RHBDL2: variants seen among roughly 807,000 people sequenced by gnomAD.
RHBDL2 encodes rhomboid like 2.
Under a neutral mutation model 31.7 loss-of-function variants are expected in RHBDL2, and 26 were observed. That is an observed-to-expected ratio of 0.82 (90% CI 0.60 to 1.14). The LOEUF (loss-of-function observed/expected upper bound fraction) is 1.14, where lower values mean the gene tolerates loss of function less well. Ranked by LOEUF, RHBDL2 falls within the 50% of genes most tolerant of loss-of-function variation. The pLI is 0.00. For synonymous variants in RHBDL2, 123 were observed against 127.2 expected, an observed-to-expected ratio of 0.97 and a Z score of 0.22; for missense variants, 336 against 364.4, an observed-to-expected ratio of 0.92 and a Z score of 0.63.
intron 1 of RHBDL2, among the ~76,000 whole-genome samples, chr1:38,932,698 G>C (rs1324230608): frequency 6.6e-6 from 1 of 152,122 alleles, no homozygotes; most frequent in Non-Finnish European, 1.5e-5. Flanking sequence ...GAGCTCACGC[G>C]ATCCACCCAC....
At chr1:38,928,019 T>C (rs537478520) in intron 1 of RHBDL2, among the ~76,000 whole-genome samples, 2 of 152,238 alleles carry the variant, frequency 1.3e-5, no homozygotes, top group South Asian at 4.2e-4. Flanking sequence ...AAGGTACTCC[T>C]TCAACTGTGA....
At chr1:38,901,307 C>T (rs1401180604) in intron 4 of RHBDL2, among the ~76,000 whole-genome samples, 1 of 150,684 alleles carries the variant, frequency 6.6e-6, no homozygotes, top group Non-Finnish European at 1.5e-5. Context: ...ACTAAAAATA[C>T]AAAAATTAGC....
chr1:38,932,094 C>A (rs1396156495), intron 1 of RHBDL2, among the ~76,000 whole-genome samples: 1 of 152,066 alleles, frequency 6.6e-6, no homozygotes, highest in Non-Finnish European at 1.5e-5. Flanking sequence ...AAGCCTAACA[C>A]CATATAACCT....
At chr1:38,941,024 A>G (rs1643555087) in intron 1 of RHBDL2, among the ~76,000 whole-genome samples, 1 of 152,232 alleles carries the variant, frequency 6.6e-6, no homozygotes, top group African/African-American at 2.4e-5. Flanking sequence ...CAGCTTGTAG[A>G]TGACCATCAA....
chr1:38,925,890 G>A, intron 1 of RHBDL2: 3 of 1,198,818 alleles, frequency 2.5e-6, no homozygotes, highest in Non-Finnish European at 3.3e-6. Flanking sequence ...TCACTAACAG[G>A]CAAAGCCAAT....
chr1:38,912,376 A>G (rs1465160844), intron 3 of RHBDL2, among the ~76,000 whole-genome samples: 1 of 149,640 alleles, frequency 6.7e-6, no homozygotes, highest in Non-Finnish European at 1.5e-5. Flanking sequence ...AAGTGCTGGG[A>G]TTACACGCAT....
chr1:38,929,554 G>T, intron 1 of RHBDL2: 1 of 1,289,150 alleles, frequency 7.8e-7, no homozygotes, highest in South Asian at 1.2e-5. Context: ...TTTCTAAACA[G>T]CTGGCCCCAC....
At chr1:38,894,824 A>G (rs1432595928) in intron 5 of RHBDL2, among the ~76,000 whole-genome samples, 2 of 144,366 alleles carry the variant, frequency 1.4e-5, no homozygotes, top group Admixed American at 1.5e-4. Flanking sequence ...CTTCTGCCTC[A>G]GTCTCTCGAG....
At chr1:38,895,926 GT>G in intron 5 of RHBDL2, 42 bp downstream of exon 5, 1 of 1,306,518 alleles carries the variant, frequency 7.7e-7, no homozygotes, top group Non-Finnish European at 1.1e-6. Context: ...ACTGTTTTCT[GT>G]TTTTTTAAGA....
At chr1:38,903,900 A>G (rs544618072) in intron 4 of RHBDL2, among the ~76,000 whole-genome samples, 68 of 152,344 alleles carry the variant, frequency 4.5e-4, no homozygotes, top group African/African-American at 1.6e-3. Context: ...ACCTCCAGAA[A>G]TTAACACACT....
intron 6 of RHBDL2, among the ~76,000 whole-genome samples, chr1:38,890,966 TAAG>T (rs1220657888): frequency 3.9e-5 from 6 of 152,234 alleles, no homozygotes; most frequent in East Asian, 3.9e-4. Context: ...CATTTACAAT[TAAG>T]AAGAATATTT....
intron 4 of RHBDL2, among the ~76,000 whole-genome samples, chr1:38,902,991 A>C (rs1208270623): frequency 6.6e-6 from 1 of 152,238 alleles, no homozygotes; most frequent in African/African-American, 2.4e-5. Context: ...TACAGACAAC[A>C]TAATAATCTA....
intron 4 of RHBDL2, among the ~76,000 whole-genome samples, chr1:38,904,224 G>A (rs1351111136): frequency 2.6e-5 from 4 of 151,560 alleles, no homozygotes; most frequent in African/African-American, 7.3e-5. Context: ...TAATCCCAGC[G>A]CTTTGGGAGG....
Position 38,895,973 on chromosome 1 carries a change from A to G in RHBDL2, c.605T>C (p.Leu202Pro), listed in dbSNP as rs1642913849. The part of the protein sequence containing the change: ...ALMGGYFMNV[L>P]VNFQEMIPAF... ...CTCCATCCCCATGGTTCTTACCACC[A>G]GAACATTCATAAAATAGCCTCCCAT... is the stretch of plus-strand genomic sequence containing the variant. Residue 202 changes from leucine to proline, a missense_variant, in exon 5 of 8, where the codon CTG (leucine) becomes CCG (proline). Coordinates refer to ENST00000372990, the MANE Select transcript of RHBDL2 (RefSeq NM_017821.5). 1 of 1,606,342 alleles carries G rather than the reference A, an allele frequency of 6.2e-7. No homozygotes were observed. The highest frequency in any genetic ancestry group is 1.3e-5 in the African/African-American group (1 of 74,772).
At position 38,913,085 on chromosome 1, in the gene RHBDL2, C is replaced by T. The variant is rs529026637; in HGVS notation, c.396-1651G>A. On this transcript the variant is annotated intron_variant, in intron 3 of 7. Coordinates refer to ENST00000372990, the MANE Select transcript of RHBDL2 (RefSeq NM_017821.5). The stretch of plus-strand genomic sequence containing the variant: ...GCAACCTCCACCTCCTGGGTTCAAA[C>T]GATTCTCCTGCCTCAGCTTCCCAAG... 9.9e-5 allele frequency among the ~76,000 whole-genome samples: 15 copies of T among 151,026 alleles called. No homozygotes were observed. The East Asian group carries it at 2.5e-3, about 26-fold the overall frequency.
Position 38,886,537 on chromosome 1 carries a change from C to A in RHBDL2, c.879G>T (p.Val293=). 1 of 1,590,574 alleles carries A rather than the reference C, an allele frequency of 6.3e-7. No homozygotes were observed. Among genetic ancestry groups the A allele is most frequent in the Non-Finnish European group, 8.6e-7 (1 of 1,165,802 alleles). Residue 293 remains valine (V), a synonymous_variant, in exon 8 of 8, where the codon GTG becomes GTT. Coordinates refer to ENST00000372990, the MANE Select transcript of RHBDL2 (RefSeq NM_017821.5). ...AAYLACVLFA[V]FFNIFLSPAN ...CTGGAGATAGGAAAATGTTGAAAAA[C>A]ACAGCAAATAAGACACAAGCTAAAT...
chr1:38,927,311 C>T (rs956830368), intron 1 of RHBDL2, among the ~76,000 whole-genome samples: 1 of 152,122 alleles, frequency 6.6e-6, no homozygotes, highest in Non-Finnish European at 1.5e-5. Flanking sequence ...CCTGTAGTCC[C>T]AGCTACTCGG....
At chr1:38,911,973 ATT>A (rs879727227) in intron 3 of RHBDL2, among the ~76,000 whole-genome samples, 1 of 142,664 alleles carries the variant, frequency 7.0e-6, no homozygotes, top group Non-Finnish European at 1.5e-5. Flanking sequence ...CGCCCAGCTA[ATT>A]TTTTTTTTTT....
At chr1:38,926,074 G>A (rs1378051499) in intron 1 of RHBDL2, 1 of 1,239,638 alleles carries the variant, frequency 8.1e-7, no homozygotes, top group Non-Finnish European at 1.0e-6. Flanking sequence ...GTGGGCAGCA[G>A]GAAACGGATC....
Sources: gnomAD v4.1 joint callset for allele counts (sites outside exome capture counted in the v4.1 genomes callset) on GRCh38, gnomAD v4.1.1 for gene constraint, MANE v1.5 for transcripts, NCBI Gene and HGNC (gene_info 2026-07-23, HGNC 2026-07-21) for gene names.